Variants in PALM2AKAP2 observed in about 807,000 individuals in gnomAD.
PALM2AKAP2 encodes PALM2-AKAP2 fusion protein.
Under a neutral mutation model 71.5 loss-of-function variants are expected in PALM2AKAP2, and 37 were observed. The observed-to-expected ratio is 0.52, with a 90% CI of 0.40 to 0.68. The LOEUF is 0.68. Ranked by LOEUF, PALM2AKAP2 falls within the 30% of genes least tolerant of loss-of-function variation. The pLI, the probability that PALM2AKAP2 is intolerant of heterozygous loss-of-function variation, is 0.00. For synonymous variants in PALM2AKAP2, 468 were observed against 478.8 expected, an observed-to-expected ratio of 0.98 and a Z score of 0.29; for missense variants, 1,224 against 1,191.8, an observed-to-expected ratio of 1.03 and a Z score of -0.40.
chr9:110,145,869 C>A (rs1350391406), intron 2 of PALM2AKAP2, among the ~76,000 whole-genome samples: 1 of 143,502 alleles, frequency 7.0e-6, no homozygotes, highest in Non-Finnish European at 1.5e-5. Context: ...CATGGTTAAA[C>A]CTGCCTGTCA....
At chr9:109,861,092 G>C (rs1017844462) in intron 1 of PALM2AKAP2, among the ~76,000 whole-genome samples, 1 of 152,226 alleles carries the variant, frequency 6.6e-6, no homozygotes, top group Non-Finnish European at 1.5e-5. Flanking sequence ...CCTGGGGCGC[G>C]AGGTATCAGC....
At chr9:110,028,234 G>T (rs143185409) in intron 7 of PALM2AKAP2, among the ~76,000 whole-genome samples, 1 of 152,224 alleles carries the variant, frequency 6.6e-6, no homozygotes, top group Non-Finnish European at 1.5e-5. Context: ...GTTCCTGTGT[G>T]CTACTCCCTA....
chr9:109,979,058 T>G (rs1388109350), intron 6 of PALM2AKAP2, among the ~76,000 whole-genome samples: 1 of 151,898 alleles, frequency 6.6e-6, no homozygotes, highest in Non-Finnish European at 1.5e-5. Flanking sequence ...GGTGCAATCT[T>G]GGCTCACTGC....
At chr9:109,862,871 A>G (rs1564185493) in intron 1 of PALM2AKAP2, 1 of 509,182 alleles carries the variant, frequency 2.0e-6, no homozygotes. Flanking sequence ...TAAGAACAAA[A>G]CTAAGAGGAC....
At chr9:109,720,190 T>A (rs561528663) in intron 1 of PALM2AKAP2, among the ~76,000 whole-genome samples, 5 of 152,284 alleles carry the variant, frequency 3.3e-5, no homozygotes, top group African/African-American at 1.2e-4. Flanking sequence ...GGTTTCACCA[T>A]GTTGGCCAGG....
rs144695372 is a variant in PALM2AKAP2 at position 110,008,780 on chromosome 9, A to G, written c.497-7174A>G. ...TGGGGCTTAGGCTAACAGAATTGCC[A>G]CTATCTAGGATTGCCAGTTGCTGTG... On this transcript the variant is annotated intron_variant, in intron 6 of 9. Transcript: ENST00000302798. 3.9e-4 allele frequency among the ~76,000 whole-genome samples: 59 copies of G among 151,642 alleles called. 1 individual carries two copies. Among genetic ancestry groups the G allele is most frequent in the African/African-American group, 1.3e-3 (55 of 41,352 alleles).
chr9:109,825,863 G>A (rs1314123688), intron 1 of PALM2AKAP2, among the ~76,000 whole-genome samples: 1 of 152,066 alleles, frequency 6.6e-6, no homozygotes, highest in Non-Finnish European at 1.5e-5. Context: ...CCCATTACTG[G>A]GTATATACAC....
At chr9:110,132,032 C>T (rs1241616553) in intron 1 of PALM2AKAP2, among the ~76,000 whole-genome samples, 1 of 147,538 alleles carries the variant, frequency 6.8e-6, no homozygotes, top group East Asian at 2.0e-4. Flanking sequence ...AAGTAACTAG[C>T]GTGTGTGTGT....
At chr9:110,140,347 T>C (rs1352722729) in intron 2 of PALM2AKAP2, among the ~76,000 whole-genome samples, 2 of 152,244 alleles carry the variant, frequency 1.3e-5, no homozygotes, top group Admixed American at 6.5e-5. Context: ...TCGCAAGATA[T>C]TCCAGTTTCA....
chr9:109,941,390 G>T (rs540649007), intron 6 of PALM2AKAP2, among the ~76,000 whole-genome samples: 2 of 152,266 alleles, frequency 1.3e-5, no homozygotes, highest in African/African-American at 4.8e-5. Context: ...TGAGGAGATG[G>T]ATGAGATATA....
At chr9:110,106,726 A>G (rs1399753592) in intron 1 of PALM2AKAP2, among the ~76,000 whole-genome samples, 1 of 152,166 alleles carries the variant, frequency 6.6e-6, no homozygotes, top group Admixed American at 6.5e-5. Context: ...GACAAAGGCA[A>G]TGTTGCTTTG....
At chr9:109,739,722 T>C (rs1828690122) in intron 1 of PALM2AKAP2, among the ~76,000 whole-genome samples, 1 of 152,214 alleles carries the variant, frequency 6.6e-6, no homozygotes, top group African/African-American at 2.4e-5. Flanking sequence ...CTTTCAATAA[T>C]AACTTTGAGG....
intron 1 of PALM2AKAP2, among the ~76,000 whole-genome samples, chr9:109,843,622 G>A (rs1359882): frequency 0.32 from 48,387 of 152,016 alleles, 8,031 homozygotes; most frequent in Admixed American, 0.35. Flanking sequence ...GCAGGGGCTG[G>A]CCCATGAGAC....
intron 2 of PALM2AKAP2, among the ~76,000 whole-genome samples, chr9:109,875,732 G>T (rs1460766354): frequency 1.3e-5 from 2 of 152,154 alleles, no homozygotes; most frequent in African/African-American, 2.4e-5. Context: ...TCCATGGGTG[G>T]GTCCTGGAAT....
chr9:109,720,870 T>G (rs1828394558), intron 1 of PALM2AKAP2, among the ~76,000 whole-genome samples: 1 of 152,220 alleles, frequency 6.6e-6, no homozygotes, highest in African/African-American at 2.4e-5. Context: ...TTCCTGGCAT[T>G]ATTCTAACCA....
chr9:110,053,584 A>C (rs997834498), intron 1 of PALM2AKAP2, among the ~76,000 whole-genome samples: 12 of 151,426 alleles, frequency 7.9e-5, no homozygotes, highest in Non-Finnish European at 1.5e-4. Flanking sequence ...AGAAAAAAAG[A>C]GACATGTAAC....
At chr9:109,656,464 A>G (rs1827309074) in intron 1 of PALM2AKAP2, among the ~76,000 whole-genome samples, 1 of 152,164 alleles carries the variant, frequency 6.6e-6, no homozygotes, top group African/African-American at 2.4e-5. Flanking sequence ...TCCCTTCCAG[A>G]GTTTTCAGGG....
At chr9:110,124,952 T>C (rs1209351797) in intron 1 of PALM2AKAP2, among the ~76,000 whole-genome samples, 1 of 152,216 alleles carries the variant, frequency 6.6e-6, no homozygotes, top group East Asian at 1.9e-4. Flanking sequence ...TCTGAGAAGA[T>C]GACAATGGAA....
chr9:110,076,927 A>T (rs764274126), intron 1 of PALM2AKAP2, among the ~76,000 whole-genome samples: 23 of 152,208 alleles, frequency 1.5e-4, no homozygotes, highest in Non-Finnish European at 2.9e-4. Flanking sequence ...TGGGCAATTC[A>T]TAACCTGTAG....
Sources: gnomAD v4.1 joint callset for allele counts (sites outside exome capture counted in the v4.1 genomes callset) on GRCh38, gnomAD v4.1.1 for gene constraint, MANE v1.5 for transcripts, NCBI Gene and HGNC (gene_info 2026-07-23, HGNC 2026-07-21) for gene names.